The following RNF144B variants were observed in gnomAD, a reference collection of about 807,000 sequenced individuals.
RNF144B encodes E3 ubiquitin-protein ligase RNF144B.
In RNF144B, 25 loss-of-function variants were observed where a neutral mutation model predicts 40.2. That is an observed-to-expected ratio of 0.62 (90% CI 0.45 to 0.87). RNF144B has a LOEUF of 0.87. RNF144B is among the 40% of genes least tolerant of loss of function. The pLI is 0.00. For synonymous variants in RNF144B, 145 were observed against 136.3 expected (o/e 1.06, Z -0.44); for missense variants, 365 against 373.7 (o/e 0.98, Z 0.19).
Position 18,416,939 on chromosome 6 carries a change from C to G in RNF144B, c.166-10642C>G, listed in dbSNP as rs1795157836. ...GGTGGCAGAATATAAGATCAATGTA[C>G]AGAATCAATTGTATTTCCATATACT... On this transcript the variant is annotated intron_variant, in intron 2 of 7. Transcript: ENST00000259939. This position sits in a 1 kb window ranked among gnomAD's most constrained non-coding sequence, Gnocchi z 5.5. Among the ~76,000 whole-genome samples the G allele has an allele frequency of 6.6e-6, 1 of 151,994 alleles. No homozygotes were observed. The highest frequency in any genetic ancestry group is 2.1e-4 in the South Asian group (1 of 4,818).
chr6:18,427,604 G>A lies in RNF144B; in HGVS notation c.189G>A (p.Leu63=). The change falls in exon 3 of 8, where the codon CTG becomes CTA. Residue 63 remains leucine (L), a synonymous_variant. Transcript: ENST00000259939. ...CTACLKQYMQ[L]AIREGCGSPI... Reference sequence around the variant, plus strand: ...AGTGCCTGAAACAGTACATGCAGCTGGCAATCCGAGAAGGATGTGGGTCTC... The same window carrying A: ...AGTGCCTGAAACAGTACATGCAGCTAGCAATCCGAGAAGGATGTGGGTCTC... 1 of 1,613,496 alleles carries A rather than the reference G, an allele frequency of 6.2e-7. No homozygotes were observed. Among genetic ancestry groups the A allele is most frequent in the Non-Finnish European group, 8.5e-7 (1 of 1,179,664 alleles).
chr6:18,433,106 C>T (rs1183293300), intron 3 of RNF144B, among the ~76,000 whole-genome samples: 2 of 152,160 alleles, frequency 1.3e-5, no homozygotes, highest in Non-Finnish European at 1.5e-5. Context: ...TCCAGGTGTT[C>T]TTCCCAAATC....
chr6:18,434,553 G>C lies in RNF144B; in HGVS notation c.271-5131G>C, dbSNP rs1286687378. 6.6e-6 allele frequency among the ~76,000 whole-genome samples: 1 copy of C among 152,146 alleles called. No individual in the cohort carries two copies. The highest frequency in any genetic ancestry group is 1.5e-5 in the Non-Finnish European group (1 of 68,018). The stretch of plus-strand genomic sequence containing the variant: ...GTGTAGGTGTGGTCTGGCTTCCCTG[G>C]ATATGCTCTGCTAGGGATGAAATGG... On this transcript the variant is annotated intron_variant, in intron 3 of 7. Coordinates refer to ENST00000259939, the MANE Select transcript of RNF144B (RefSeq NM_182757.4). This position sits in a 1 kb window ranked among gnomAD's most constrained non-coding sequence, Gnocchi z 4.1.
chr6:18,429,195 C>T (rs1218025214), intron 3 of RNF144B, among the ~76,000 whole-genome samples: 2 of 151,782 alleles, frequency 1.3e-5, no homozygotes, highest in East Asian at 3.9e-4. Flanking sequence ...GAGATTTCAT[C>T]TCTTAAAAAA....
intron 4 of RNF144B, among the ~76,000 whole-genome samples, chr6:18,452,579 A>G (rs1397356037): frequency 1.3e-5 from 2 of 152,198 alleles, no homozygotes; most frequent in African/African-American, 2.4e-5. Context: ...ATCTGTTTGT[A>G]CATATGCAGA....
chr6:18,409,633 C>T (rs933765165), intron 2 of RNF144B, among the ~76,000 whole-genome samples: 2 of 137,814 alleles, frequency 1.5e-5, no homozygotes, highest in South Asian at 2.4e-4. Context: ...TGCAATGGCA[C>T]GATCTTGACT....
At chr6:18,463,420 C>A (rs1007837331) in intron 7 of RNF144B, 40 bp downstream of exon 7, 2 of 1,200,924 alleles carry the variant, frequency 1.7e-6, no homozygotes, top group South Asian at 2.4e-5. Context: ...AAACCAAAAT[C>A]GTGATGGCTT....
At chr6:18,449,518 CT>C (rs1441302705) in intron 4 of RNF144B, among the ~76,000 whole-genome samples, 33 of 152,084 alleles carry the variant, frequency 2.2e-4, no homozygotes, top group Admixed American at 2.0e-3. Flanking sequence ...ATTAAAATCC[CT>C]TTATCTAAAG....
chr6:18,429,193 A>G (rs565274626), intron 3 of RNF144B, among the ~76,000 whole-genome samples: 50 of 152,116 alleles, frequency 3.3e-4, no homozygotes, highest in African/African-American at 8.0e-4. Flanking sequence ...GTGAGATTTC[A>G]TCTCTTAAAA....
chr6:18,435,039 T>A (rs1292301135), intron 3 of RNF144B, among the ~76,000 whole-genome samples: 2 of 152,242 alleles, frequency 1.3e-5, no homozygotes, highest in African/African-American at 4.8e-5. Flanking sequence ...TTATTGCTCT[T>A]ATTCTATTAA....
intron 2 of RNF144B, among the ~76,000 whole-genome samples, chr6:18,420,527 C>T (rs77541062): frequency 6.6e-6 from 1 of 152,016 alleles, no homozygotes; most frequent in South Asian, 2.1e-4. Context: ...GCATGCTGGG[C>T]GTGCTACATT....
intron 1 of RNF144B, among the ~76,000 whole-genome samples, 195 bp downstream of exon 1, chr6:18,387,825 T>A (rs917221628): frequency 6.6e-6 from 1 of 152,202 alleles, no homozygotes; most frequent in African/African-American, 2.4e-5. Flanking sequence ...AAAATGCCTT[T>A]GTTAAAGGAA....
rs1759037262 is a variant in RNF144B at position 18,444,582 on chromosome 6, G to T, written c.331+4838G>T. ...AGTTGCTTCCGTTCCTTGCTAGGTT[G>T]ATGTATCTGTTCTTGAATATTTATT... On this transcript the variant is annotated intron_variant, in intron 4 of 7. Coordinates refer to ENST00000259939, the MANE Select transcript of RNF144B (RefSeq NM_182757.4). The surrounding 1 kb of genome is among the most constrained non-coding windows in gnomAD (Gnocchi z 4.3). Among the ~76,000 whole-genome samples the T allele has an allele frequency of 6.6e-6, 1 of 151,972 alleles. No individual in the cohort carries two copies. The highest frequency in any genetic ancestry group is 2.4e-5 in the African/African-American group (1 of 41,372).
intron 2 of RNF144B, among the ~76,000 whole-genome samples, chr6:18,407,227 TA>T (rs1046284973): frequency 2.6e-5 from 4 of 152,072 alleles, no homozygotes; most frequent in African/African-American, 9.7e-5. Flanking sequence ...AATTAACCTT[TA>T]TGCATAGAGA....
In RNF144B at chr6:18,460,621, C is replaced by T. The variant is rs746849761; in HGVS notation, c.681+870C>T. On this transcript the variant is annotated intron_variant, in intron 6 of 7. Transcript: ENST00000259939. The surrounding 1 kb of genome is among the most constrained non-coding windows in gnomAD (Gnocchi z 4.4). The stretch of plus-strand genomic sequence containing the variant: ...TCCCTCATGCTCTCTTGCATGCTCT[C>T]ACTCGCTCTCTCTCTCTCTTGTTCA... Among the ~76,000 whole-genome samples the T allele has an allele frequency of 1.9e-4, 29 of 152,152 alleles. No individual in the cohort carries two copies. Among genetic ancestry groups the T allele is most frequent in the South Asian group, 4.1e-4 (2 of 4,830 alleles).
In RNF144B at chr6:18,387,561, C is replaced by G; in HGVS notation, c.-106C>G. The G allele has an allele frequency of 2.3e-6, 3 of 1,327,518 alleles. No homozygotes were observed. The highest frequency in any genetic ancestry group is 1.5e-5 in the African/African-American group (1 of 67,442). The allele number at this position is 1,327,518 out of a possible 1,614,324, so 82.2% of individuals were successfully genotyped here. A position where few individuals can be genotyped will look rare whatever the true frequency, so the allele number is the denominator to read the frequency against. On this transcript the variant is annotated 5_prime_UTR_variant, in exon 1 of 8. Transcript: ENST00000259939. ...GCTCCTGTCCGGTGTGCCAGCAGCCCGGACTGGCGGTGAGCGCGAGGGAGG... is the reference window on the plus strand; with the variant it reads ...GCTCCTGTCCGGTGTGCCAGCAGCCGGGACTGGCGGTGAGCGCGAGGGAGG...
intron 1 of RNF144B, among the ~76,000 whole-genome samples, chr6:18,393,354 A>C (rs900538548): frequency 6.6e-6 from 1 of 152,192 alleles, no homozygotes; most frequent in Non-Finnish European, 1.5e-5. Flanking sequence ...CTGGCCACAA[A>C]GGAGGTCTAC....
chr6:18,436,615 G>A (rs771278729), intron 3 of RNF144B, among the ~76,000 whole-genome samples: 3 of 151,944 alleles, frequency 2.0e-5, no homozygotes, highest in Non-Finnish European at 2.9e-5. Flanking sequence ...GGAAATTCTC[G>A]GTTGGCAGAA....
rs751873445 is a variant in RNF144B at position 18,406,140 on chromosome 6, A to G, written c.165+6441A>G. On this transcript the variant is annotated intron_variant, in intron 2 of 7. Transcript: ENST00000259939. This position sits in a 1 kb window ranked among gnomAD's most constrained non-coding sequence, Gnocchi z 4.2. ...CGATCAGATTAAGCCCTGGTTTTCA[A>G]ATAACTCAACTTTTCGTATGAGACA... The G allele has an allele frequency of 6.2e-5, 32 of 519,002 alleles. No homozygotes were observed. Among genetic ancestry groups the G allele is most frequent in the South Asian group, 7.0e-5 (5 of 71,580 alleles). 32.1% of individuals were successfully genotyped at this position (519,002 alleles called of 1,614,324 possible). A position where few individuals can be genotyped will look rare whatever the true frequency, so the allele number is the denominator to read the frequency against.
Sources: allele counts gnomAD v4.1 joint callset (sites outside exome capture counted in the v4.1 genomes callset), GRCh38; gene constraint gnomAD v4.1.1; non-coding constraint Gnocchi (gnomAD v3.1); transcripts MANE v1.5; gene names NCBI Gene and HGNC (gene_info 2026-07-23, HGNC 2026-07-21).